TRAPPC8: variants seen among roughly 807,000 people sequenced by gnomAD.
TRAPPC8 encodes the protein trafficking protein particle complex subunit 8.
In TRAPPC8, 54 loss-of-function variants were observed where a neutral mutation model predicts 174.3. The observed-to-expected ratio is 0.31, with a 90% CI of 0.25 to 0.39. The LOEUF is 0.39. Among genes scored for constraint, TRAPPC8 ranks in the 10% least tolerant of loss-of-function variants. TRAPPC8 has a pLI of 1.00. For missense variants in TRAPPC8, 1,531 were observed against 1,699.1 expected (o/e 0.90, Z 1.74); for synonymous variants, 630 against 579.9 (o/e 1.09, Z -1.24).
intron 27 of TRAPPC8, among the ~76,000 whole-genome samples, chr18:31,836,259 T>G (rs777773992): frequency 6.6e-6 from 1 of 152,184 alleles, no homozygotes; most frequent in African/African-American, 2.4e-5. Flanking sequence ...AGGAGAAAAC[T>G]GCCACATTTT....
In TRAPPC8 at chr18:31,908,644, T is replaced by C. The variant is rs1041041633; in HGVS notation, c.1122+110A>G. On this transcript the variant is annotated intron_variant, in intron 7 of 28. Coordinates refer to ENST00000283351, the MANE Select transcript of TRAPPC8 (RefSeq NM_014939.5). Reference sequence around the variant, plus strand: ...TAGTAATTTTGGGAAGTCTTAATATTGGCCTATCTTAAAACGAAAATAAAA... The same window carrying C: ...TAGTAATTTTGGGAAGTCTTAATATCGGCCTATCTTAAAACGAAAATAAAA... The C allele has an allele frequency of 1.1e-4, 131 of 1,182,058 alleles. 1 individual carries two copies. The highest frequency in any genetic ancestry group is 5.4e-4 in the South Asian group (29 of 53,952). 73.2% of individuals were successfully genotyped at this position (1,182,058 alleles called of 1,614,324 possible).
rs138603607 is a variant in TRAPPC8, at chr18:31,876,527, G to T, written c.1729-1823C>A. On this transcript the variant is annotated intron_variant, in intron 12 of 28. Coordinates refer to ENST00000283351, the MANE Select transcript of TRAPPC8 (RefSeq NM_014939.5). ...AAAAAAAAAAAGATCACTTACTAGG[G>T]ACCTCAGATCCTCAGATGCCAGTTC... Among the ~76,000 whole-genome samples the T allele has an allele frequency of 8.2e-3, 965 of 118,234 alleles. 13 individuals are homozygous for T. The highest frequency in any genetic ancestry group is 0.034 in the African/African-American group (926 of 27,324). 77.6% of individuals were successfully genotyped at this position (118,234 alleles called of 152,430 possible).
Position 31,916,482 on chromosome 18 carries a change from T to C in TRAPPC8, c.443-36A>G, listed in dbSNP as rs904420442. The C allele has an allele frequency of 3.9e-6, 6 of 1,556,446 alleles. No homozygotes were observed. The Admixed American group carries it at 7.9e-5, about 20-fold the overall frequency. The stretch of plus-strand genomic sequence containing the variant: ...ATATTATTAAGGTAATTATCGCTTA[T>C]TACTCAATGATAAATATTGTCCTAC... On this transcript the variant is annotated intron_variant, in intron 3 of 28. Transcript: ENST00000283351.
chr18:31,889,411 G>A (rs2145347286), intron 12 of TRAPPC8, among the ~76,000 whole-genome samples: 1 of 152,276 alleles, frequency 6.6e-6, no homozygotes, highest in East Asian at 1.9e-4. Context: ...CAAAGATGTA[G>A]AAAAATGACG....
At chr18:31,939,294 A>G (rs1295494393) in intron 1 of TRAPPC8, 2 of 152,136 alleles carry the variant, frequency 1.3e-5, no homozygotes, top group Admixed American at 6.6e-5. Flanking sequence ...ACTTATATCT[A>G]TCCTTATAAA....
intron 27 of TRAPPC8, chr18:31,833,411 C>G (rs1256654118): frequency 6.6e-6 from 1 of 152,272 alleles, no homozygotes. Context: ...CATACTGATT[C>G]CTCCTAACAG....
At chr18:31,913,663 A>G (rs866528029) in intron 4 of TRAPPC8, 141 bp from the exon 5 acceptor site, 1 of 643,674 alleles carries the variant, frequency 1.6e-6, no homozygotes, top group Non-Finnish European at 2.4e-6. Context: ...AAAAGAGGAC[A>G]TAAGAATTAT....
intron 12 of TRAPPC8, among the ~76,000 whole-genome samples, chr18:31,885,584 C>T (rs2035667307): frequency 6.6e-6 from 1 of 151,906 alleles, no homozygotes; most frequent in African/African-American, 2.4e-5. Context: ...ATGGGCCGGG[C>T]ACGGTGGCTC....
At chr18:31,860,712 C>T (rs911744705) in intron 19 of TRAPPC8, among the ~76,000 whole-genome samples, 3 of 152,176 alleles carry the variant, frequency 2.0e-5, no homozygotes, top group African/African-American at 2.4e-5. Context: ...TATTAGCTGA[C>T]TTCCATCATA....
At position 31,921,779 on chromosome 18, in the gene TRAPPC8, C is replaced by T. The variant is rs573301285; in HGVS notation, c.353-4112G>A. Among the ~76,000 whole-genome samples, 41 of 152,160 alleles carry T rather than the reference C, an allele frequency of 2.7e-4. No homozygotes were observed. In the South Asian group the frequency reaches 8.5e-3, roughly 32 times the overall value. ...ATTACATATTTCATTTATTACGCTTCGATTTTCTTGTATCTGGGTTCTACT... is the reference window on the plus strand; with the variant it reads ...ATTACATATTTCATTTATTACGCTTTGATTTTCTTGTATCTGGGTTCTACT... On this transcript the variant is annotated intron_variant, in intron 2 of 28. Coordinates refer to ENST00000283351, the MANE Select transcript of TRAPPC8 (RefSeq NM_014939.5).
chr18:31,903,203 A>C (rs982181389), intron 9 of TRAPPC8, among the ~76,000 whole-genome samples: 7 of 152,132 alleles, frequency 4.6e-5, no homozygotes, highest in Admixed American at 3.9e-4. Flanking sequence ...TTTGGCCCAC[A>C]ATGCTCCAAG....
intron 27 of TRAPPC8, among the ~76,000 whole-genome samples, chr18:31,834,780 T>A (rs2032609335): frequency 6.6e-6 from 1 of 152,176 alleles, no homozygotes; most frequent in Non-Finnish European, 1.5e-5. Flanking sequence ...CTATTCTTTC[T>A]TCTATTCTCA....
Position 31,830,557 on chromosome 18 carries a change from T to C in TRAPPC8, c.*198A>G, listed in dbSNP as rs1598569170. The C allele has an allele frequency of 3.5e-6, 2 of 571,576 alleles. No homozygotes were observed. Among genetic ancestry groups the C allele is most frequent in the Non-Finnish European group, 6.2e-6 (2 of 323,642 alleles). The allele number at this position is 571,576 out of a possible 1,614,324, so 35.4% of individuals were successfully genotyped here. Reference sequence around the variant, plus strand: ...GAGCATGTAAATTATTCTCAGGGTTTAAAGAAATACAGAAAAAGAATGTTA... The same window carrying C: ...GAGCATGTAAATTATTCTCAGGGTTCAAAGAAATACAGAAAAAGAATGTTA... On this transcript the variant is annotated 3_prime_UTR_variant, in exon 29 of 29. Coordinates refer to ENST00000283351, the MANE Select transcript of TRAPPC8 (RefSeq NM_014939.5).
At chr18:31,903,914 C>T (rs920789653) in intron 9 of TRAPPC8, among the ~76,000 whole-genome samples, 4 of 150,478 alleles carry the variant, frequency 2.7e-5, no homozygotes, top group African/African-American at 9.8e-5. Flanking sequence ...GTTAATAATT[C>T]AAATAATATA....
intron 7 of TRAPPC8, 21 bp from the exon 8 acceptor site, chr18:31,908,439 A>G (rs1254035035): frequency 6.9e-7 from 1 of 1,445,884 alleles, no homozygotes; most frequent in East Asian, 2.4e-5. Context: ...GAGATTAAAT[A>G]TGTTGACAAA....
intron 27 of TRAPPC8, among the ~76,000 whole-genome samples, chr18:31,832,902 T>C (rs959010788): frequency 2.4e-4 from 36 of 152,202 alleles, no homozygotes; most frequent in African/African-American, 8.4e-4. Context: ...GAAGAAAAAA[T>C]AGTAACCGTA....
chr18:31,832,436 A>C (rs934855158), intron 27 of TRAPPC8: 3 of 163,496 alleles, frequency 1.8e-5, no homozygotes, highest in Non-Finnish European at 4.0e-5. Flanking sequence ...TCTTCTAAAA[A>C]CAACTAAAAT....
At chr18:31,904,118 C>A (rs549497026) in intron 9 of TRAPPC8, among the ~76,000 whole-genome samples, 1 of 151,922 alleles carries the variant, frequency 6.6e-6, no homozygotes. Flanking sequence ...TGCCTATAGT[C>A]CCAGCTACTG....
intron 1 of TRAPPC8, among the ~76,000 whole-genome samples, chr18:31,936,383 G>C (rs2038099104): frequency 1.3e-5 from 2 of 151,958 alleles, no homozygotes; most frequent in Admixed American, 6.6e-5. Flanking sequence ...ATGATCGCTT[G>C]AGCCCAGGAG....
Sources: allele counts gnomAD v4.1 joint callset (sites outside exome capture counted in the v4.1 genomes callset), GRCh38; gene constraint gnomAD v4.1.1; transcripts MANE v1.5; gene names NCBI Gene and HGNC (gene_info 2026-07-23, HGNC 2026-07-21).